Variants in EMP2 observed in about 807,000 individuals in gnomAD.
EMP2 encodes the protein epithelial membrane protein 2.
EMP2 carries 19 observed loss-of-function variants against 13.7 expected under a neutral mutation model. That is an observed-to-expected ratio of 1.38 (90% confidence interval 0.97 to 2.03). The LOEUF is 2.03. Among genes scored for constraint, EMP2 ranks in the 30% most tolerant of loss-of-function variants. The probability of loss-of-function intolerance (pLI) is 0.00; values close to 1 mark genes in which losing one functional copy is unlikely to be tolerated. For missense variants in EMP2, 253 were observed against 220.7 expected (o/e 1.15, Z -0.93); for synonymous variants, 97 against 84.7 (o/e 1.15, Z -0.80).
At chr16:10,552,167 A>G (rs112775276) in intron 1 of EMP2, among the ~76,000 whole-genome samples, 1 of 149,590 alleles carries the variant, frequency 6.7e-6, no homozygotes, top group Admixed American at 6.7e-5. Flanking sequence ...GGGGGGAAAA[A>G]GGGCTCATGT....
chr16:10,534,332 C>G (rs1238974047), intron 4 of EMP2, among the ~76,000 whole-genome samples: 1 of 152,172 alleles, frequency 6.6e-6, no homozygotes, highest in Non-Finnish European at 1.5e-5. Flanking sequence ...GTGCTTGACG[C>G]AGACGCTGCT....
At chr16:10,541,232 G>A (rs2050695901) in intron 3 of EMP2, among the ~76,000 whole-genome samples, 1 of 109,482 alleles carries the variant, frequency 9.1e-6, no homozygotes, top group Admixed American at 9.9e-5. Context: ...GCAAGACCCT[G>A]TCTCCACTAA....
At position 10,532,844 on chromosome 16, in the gene EMP2, A is replaced by G; in HGVS notation, c.*61T>C. ...AAACCTCAAAAAATAATGATTATAT[A>G]CAAAATGGTTATCTGAATGTGGATT... On this transcript the variant is annotated 3_prime_UTR_variant, in exon 5 of 5. Transcript: ENST00000359543. 4 of 1,184,140 alleles carry G rather than the reference A, an allele frequency of 3.4e-6. No homozygotes were observed. Among genetic ancestry groups the G allele is most frequent in the Non-Finnish European group, 4.3e-6 (4 of 938,380 alleles). The allele number at this position is 1,184,140 out of a possible 1,614,324, so 73.4% of individuals were successfully genotyped here. A position where few individuals can be genotyped will look rare whatever the true frequency, so the allele number is the denominator to read the frequency against.
chr16:10,535,627 T>C (rs2050641064), intron 4 of EMP2, among the ~76,000 whole-genome samples: 1 of 152,086 alleles, frequency 6.6e-6, no homozygotes, highest in South Asian at 2.1e-4. Flanking sequence ...GGAGCATTGC[T>C]TGAGCCCTGG....
intron 2 of EMP2, chr16:10,544,940 T>C (rs2050728744): frequency 6.6e-6 from 1 of 152,152 alleles, no homozygotes. Context: ...TTCTCCTGTC[T>C]TCAGCCAAAA....
At chr16:10,578,468 A>G (rs2050999770) in intron 1 of EMP2, among the ~76,000 whole-genome samples, 1 of 152,194 alleles carries the variant, frequency 6.6e-6, no homozygotes, top group South Asian at 2.1e-4. Flanking sequence ...TAGCCACAAT[A>G]AAACGCCACC....
At chr16:10,533,130 A>G (rs778377971) in intron 4 of EMP2, 38 bp from the exon 5 acceptor site, 1 of 1,486,678 alleles carries the variant, frequency 6.7e-7, no homozygotes, top group African/African-American at 1.4e-5. Flanking sequence ...TAAATCATGG[A>G]CCACAGTGCA....
In EMP2 at chr16:10,538,450, C is replaced by T. The variant is rs112925133; in HGVS notation, c.170-376G>A. On this transcript the variant is annotated intron_variant, in intron 3 of 4. Coordinates refer to ENST00000359543, the MANE Select transcript of EMP2 (RefSeq NM_001424.6). ...TGTGACTCAAGAAATCAGGATGGGG[C>T]CTTGGGGGTCTCCATTTTAGAGAGG... Among the ~76,000 whole-genome samples, 699 of 152,208 alleles carry T rather than the reference C, an allele frequency of 4.6e-3. 11 individuals carry two copies. Among genetic ancestry groups the T allele is most frequent in the African/African-American group, 0.014 (597 of 41,530 alleles).
chr16:10,553,579 G>A (rs1380738126), intron 1 of EMP2, among the ~76,000 whole-genome samples: 1 of 151,574 alleles, frequency 6.6e-6, no homozygotes, highest in Non-Finnish European at 1.5e-5. Context: ...ACAAGAGTGT[G>A]GAGCTGGGAG....
At chr16:10,579,943 AAC>A (rs1466992929) in intron 1 of EMP2, among the ~76,000 whole-genome samples, 3 of 152,152 alleles carry the variant, frequency 2.0e-5, no homozygotes, top group African/African-American at 7.2e-5. Flanking sequence ...CTACCTCTGG[AAC>A]ACATGGGTGC....
At position 10,538,093 on chromosome 16, in the gene EMP2, G is replaced by C. The variant is rs762288347; in HGVS notation, c.170-19C>G. On this transcript the variant is annotated intron_variant, in intron 3 of 4. Coordinates refer to ENST00000359543, the MANE Select transcript of EMP2 (RefSeq NM_001424.6). ...GAGTACTCTGCGGGAAAAGGGCAGGGGCGCAGGACTGAGGACCTTGGCCAG... is the reference window on the plus strand; with the variant it reads ...GAGTACTCTGCGGGAAAAGGGCAGGCGCGCAGGACTGAGGACCTTGGCCAG... The C allele has an allele frequency of 1.2e-6, 2 of 1,611,672 alleles. No homozygotes were observed. Among genetic ancestry groups the C allele is most frequent in the South Asian group, 1.1e-5 (1 of 90,984 alleles).
At chr16:10,561,975 G>A (rs2050874385) in intron 1 of EMP2, among the ~76,000 whole-genome samples, 1 of 152,152 alleles carries the variant, frequency 6.6e-6, no homozygotes. Context: ...TGGCTTCATG[G>A]GTGAATTCTG....
intron 1 of EMP2, among the ~76,000 whole-genome samples, chr16:10,563,580 A>G (rs113981196): frequency 6.6e-6 from 1 of 152,210 alleles, no homozygotes; most frequent in African/African-American, 2.4e-5. Flanking sequence ...CACTGTCGAC[A>G]ACTCAGCCAG....
intron 1 of EMP2, among the ~76,000 whole-genome samples, chr16:10,548,765 A>C (rs2050759593): frequency 6.6e-6 from 1 of 152,224 alleles, no homozygotes; most frequent in Non-Finnish European, 1.5e-5. Context: ...TCTTCTTAAT[A>C]TATATTCCCA....
At chr16:10,558,538 AAAC>A (rs1201334897) in intron 1 of EMP2, among the ~76,000 whole-genome samples, 1 of 152,028 alleles carries the variant, frequency 6.6e-6, no homozygotes, top group East Asian at 1.9e-4. Flanking sequence ...GGAGAAACAC[AAAC>A]AACCTTCTGG....
intron 3 of EMP2, among the ~76,000 whole-genome samples, chr16:10,540,512 A>AAATAAATAAATAAAT (rs988915275): frequency 1.3e-5 from 2 of 151,332 alleles, no homozygotes; most frequent in Non-Finnish European, 2.9e-5. Flanking sequence ...TCTCAAAAAT[A>AAATAAATAAATAAAT]AATAAATAAA....
intron 3 of EMP2, among the ~76,000 whole-genome samples, chr16:10,538,363 T>A (rs1485848493): frequency 6.6e-6 from 1 of 152,192 alleles, no homozygotes; most frequent in Non-Finnish European, 1.5e-5. Flanking sequence ...AGACCCCACA[T>A]GCTTGGCTCA....
At chr16:10,569,613 C>G (rs2050932971) in intron 1 of EMP2, among the ~76,000 whole-genome samples, 1 of 152,198 alleles carries the variant, frequency 6.6e-6, no homozygotes, top group African/African-American at 2.4e-5. Flanking sequence ...AGCCACCACA[C>G]CCAGCCCGAT....
intron 1 of EMP2, among the ~76,000 whole-genome samples, chr16:10,548,572 T>C (rs922709478): frequency 2.0e-5 from 3 of 152,096 alleles, no homozygotes; most frequent in Non-Finnish European, 4.4e-5. Flanking sequence ...CAGGTGCCTG[T>C]GGTCCCACCT....
Sources: gnomAD v4.1 joint callset for allele counts (sites outside exome capture counted in the v4.1 genomes callset) on GRCh38, gnomAD v4.1.1 for gene constraint, MANE v1.5 for transcripts, NCBI Gene and HGNC (gene_info 2026-07-23, HGNC 2026-07-21) for gene names.